ARHGEF17: variants seen among roughly 807,000 people sequenced by gnomAD.
ARHGEF17 encodes Rho guanine nucleotide exchange factor 17, also known as 164 kDa Rho-specific guanine-nucleotide exchange factor.
Under a neutral mutation model 174.0 loss-of-function variants are expected in ARHGEF17, and 80 were observed. The observed-to-expected ratio is 0.46, with a 90% CI of 0.38 to 0.55. The LOEUF (loss-of-function observed/expected upper bound fraction) is 0.55, where lower values mean the gene tolerates loss of function less well. Among genes scored for constraint, ARHGEF17 ranks in the 20% least tolerant of loss-of-function variants. The probability of loss-of-function intolerance (pLI) is 0.00; values close to 1 mark genes in which losing one functional copy is unlikely to be tolerated. For missense variants in ARHGEF17, 2,886 were observed against 2,839.7 expected, an observed-to-expected ratio of 1.02 and a Z score of -0.37; for synonymous variants, 1,311 against 1,189.1, an observed-to-expected ratio of 1.10 and a Z score of -2.11.
chr11:73,367,242 G>A (rs561174773), intron 20 of ARHGEF17, among the ~76,000 whole-genome samples: 2 of 152,164 alleles, frequency 1.3e-5, no homozygotes, highest in East Asian at 3.8e-4. Flanking sequence ...GAAGTAGGAG[G>A]CTTATTTAAT....
At chr11:73,363,692 T>C in intron 15 of ARHGEF17, 55 bp from the exon 16 acceptor site, 2 of 1,602,200 alleles carry the variant, frequency 1.2e-6, no homozygotes, top group Non-Finnish European at 1.7e-6. Flanking sequence ...GAGGGATGAC[T>C]CCAGGGGCTG....
rs557320972 is a variant in ARHGEF17 at position 73,333,085 on chromosome 11, C to T, written c.3193-13798C>T. ...GACTTCTCACTGAGCCTTGCTTTAC[C>T]CACGGAAGAGCTCATGAAATTAGGC... On this transcript the variant is annotated intron_variant, in intron 1 of 20. Coordinates refer to ENST00000263674, the MANE Select transcript of ARHGEF17 (RefSeq NM_014786.4). 6.9e-4 allele frequency among the ~76,000 whole-genome samples: 105 copies of T among 152,288 alleles called. No homozygotes were observed. In the Middle Eastern group the frequency reaches 0.014, roughly 20 times the overall value.
chr11:73,332,354 T>C, intron 1 of ARHGEF17, among the ~76,000 whole-genome samples: 1 of 17,396 alleles, frequency 5.7e-5, no homozygotes, highest in South Asian at 1.4e-3. Flanking sequence ...TTTCTCCGTG[T>C]GTGTGTGTGT....
chr11:73,332,367 GTGTGTGTGTGTGT>G, intron 1 of ARHGEF17, among the ~76,000 whole-genome samples: 1 of 105,464 alleles, frequency 9.5e-6, no homozygotes, highest in African/African-American at 4.1e-5. Flanking sequence ...GTGTGTGTGT[GTGTGTGTGTGTGT>G]GTGTGTGTGT....
Position 73,309,799 on chromosome 11 carries a change from C to T in ARHGEF17, c.1161C>T (p.Ser387=). The change falls in exon 1 of 21, where the codon TCC becomes TCT. Residue 387 remains serine, a synonymous_variant. Transcript: ENST00000263674. Reference sequence around the variant, plus strand: ...CGTACCTGGCCAGCCCCGCAGGCTCCCGCGGTAGCAGCCGTTATTCCAGCA... The same window carrying T: ...CGTACCTGGCCAGCCCCGCAGGCTCTCGCGGTAGCAGCCGTTATTCCAGCA... The part of the protein sequence containing the change: ...FPSYLASPAG[S]RGSSRYSSTE... 1.2e-6 allele frequency: 2 copies of T among 1,613,082 alleles called. No individual in the cohort carries two copies. Among genetic ancestry groups the T allele is most frequent in the African/African-American group, 1.3e-5 (1 of 75,058 alleles).
intron 1 of ARHGEF17, among the ~76,000 whole-genome samples, chr11:73,319,678 A>T (rs1412808289): frequency 1.3e-5 from 2 of 152,138 alleles, no homozygotes; most frequent in Non-Finnish European, 2.9e-5. Flanking sequence ...TTCCATGTTC[A>T]TTTGTCATTC....
At chr11:73,331,045 C>T (rs542278664) in intron 1 of ARHGEF17, among the ~76,000 whole-genome samples, 2 of 152,300 alleles carry the variant, frequency 1.3e-5, no homozygotes, top group Admixed American at 1.3e-4. Context: ...TATTACCATT[C>T]TTGGGGATCC....
intron 3 of ARHGEF17, among the ~76,000 whole-genome samples, chr11:73,353,898 A>C (rs1405099704): frequency 6.6e-6 from 1 of 152,268 alleles, no homozygotes; most frequent in Non-Finnish European, 1.5e-5. Flanking sequence ...ATTACATTTG[A>C]AAAACTTCCA....
rs1865715249 is a variant in ARHGEF17, at chr11:73,360,315, C to T, written c.4207-5C>T. The T allele has an allele frequency of 6.2e-7, 1 of 1,613,216 alleles. No individual in the cohort carries two copies. The highest frequency in any genetic ancestry group is 1.7e-5 in the Admixed American group (1 of 60,008). On this transcript the variant is annotated splice_region_variant and splice_polypyrimidine_tract_variant and intron_variant, in intron 10 of 20. Transcript: ENST00000263674. ...GGCCTGAGGCCTGGGCCCTCTTCCC[C>T]ACAGAGCCTGGACGATGCACTGCGG...
At chr11:73,353,195 A>G in intron 3 of ARHGEF17, 183 bp downstream of exon 3, 1 of 749,384 alleles carries the variant, frequency 1.3e-6, no homozygotes, top group South Asian at 1.8e-5. Context: ...GAACTTGGAC[A>G]CTCCCCTACC....
At chr11:73,344,620 G>T (rs184553515) in intron 1 of ARHGEF17, among the ~76,000 whole-genome samples, 1 of 152,372 alleles carries the variant, frequency 6.6e-6, no homozygotes, top group East Asian at 1.9e-4. Flanking sequence ...TCTCACTGAG[G>T]GGGAGAAAGG....
intron 1 of ARHGEF17, among the ~76,000 whole-genome samples, chr11:73,326,111 G>T (rs529458772): frequency 6.6e-6 from 1 of 152,232 alleles, no homozygotes; most frequent in South Asian, 2.1e-4. Context: ...CATGGGGGCC[G>T]CAGGGTGAAG....
Position 73,367,707 on chromosome 11 carries a change from G to A in ARHGEF17, c.6119G>A (p.Ser2040Asn). 1.9e-6 allele frequency: 3 copies of A among 1,614,132 alleles called. No homozygotes were observed. The highest frequency in any genetic ancestry group is 1.7e-6 in the Non-Finnish European group (2 of 1,180,018). ...GGCTATGAGGACTTCCGACTCAGCA[G>A]TGGGGGCGGCAGCAGCAGTGAGACT... is the stretch of plus-strand genomic sequence containing the variant. ...GDGYEDFRLS[S>N]GGGSSSETVG... The change falls in exon 21 of 21, where the codon AGT (serine) becomes AAT (asparagine). Residue 2040 changes from serine to asparagine, a missense_variant. By Grantham distance (46) the Ser-to-Asn change is conservative. Transcript: ENST00000263674.
At chr11:73,359,451 ATT>A (rs1400805724) in intron 9 of ARHGEF17, among the ~76,000 whole-genome samples, 1 of 152,228 alleles carries the variant, frequency 6.6e-6, no homozygotes, top group Non-Finnish European at 1.5e-5. Context: ...TGGTCAGCAC[ATT>A]TGACTGCCTG....
intron 14 of ARHGEF17, 65 bp downstream of exon 14, chr11:73,362,799 G>A: frequency 1.3e-6 from 2 of 1,546,172 alleles, no homozygotes; most frequent in East Asian, 4.5e-5. Context: ...AGAGGAGGGG[G>A]AGAGGAGGGA....
At chr11:73,332,350 C>T (rs375178392) in intron 1 of ARHGEF17, among the ~76,000 whole-genome samples, 242 of 120,726 alleles carry the variant, frequency 2.0e-3, no homozygotes, top group African/African-American at 6.9e-3. Context: ...GCTTTTTCTC[C>T]GTGTGTGTGT....
intron 14 of ARHGEF17, 32 bp from the exon 15 acceptor site, chr11:73,363,174 G>C (rs895538752): frequency 6.7e-7 from 1 of 1,502,782 alleles, no homozygotes. Flanking sequence ...CTGGCAGAGG[G>C]AAATGGAGAC....
chr11:73,330,796 T>C (rs995750272), intron 1 of ARHGEF17, among the ~76,000 whole-genome samples: 8 of 152,326 alleles, frequency 5.3e-5, no homozygotes, highest in Admixed American at 4.6e-4. Flanking sequence ...ACTGTGGAGC[T>C]AGCGCCCACT....
chr11:73,365,424 G>T lies in ARHGEF17; in HGVS notation c.5585G>T (p.Cys1862Phe). The T allele has an allele frequency of 6.2e-7, 1 of 1,614,022 alleles. No homozygotes were observed. The highest frequency in any genetic ancestry group is 8.5e-7 in the Non-Finnish European group (1 of 1,180,034). The change falls in exon 19 of 21, where the codon TGC (cysteine) becomes TTC (phenylalanine). Residue 1862 changes from cysteine (C) to phenylalanine (F), a missense_variant. By Grantham distance (205) the Cys-to-Phe change is radical. Around this residue, in one of 4 missense-constraint regions of ARHGEF17, gnomAD observed 329 missense variants for 435.2 expected, o/e 0.76. Coordinates refer to ENST00000263674, the MANE Select transcript of ARHGEF17 (RefSeq NM_014786.4). This position sits in a 1 kb window ranked among gnomAD's most constrained non-coding sequence, Gnocchi z 4.9. The part of the protein sequence containing the change: ...MFYVGQDSSR[C>F]VACMVDSSLG... ...TACGTGGGTCAGGATTCAAGCCGCT[G>T]CGTGGCTTGCATGGTGGACTCCAGC...
Sources: gnomAD v4.1 joint callset for allele counts (sites outside exome capture counted in the v4.1 genomes callset) on GRCh38, gnomAD v4.1.1 for gene constraint, gnomAD v4.1.1 regional missense constraint, Gnocchi (gnomAD v3.1) non-coding constraint, MANE v1.5 for transcripts, NCBI Gene and HGNC (gene_info 2026-07-23, HGNC 2026-07-21) for gene names.